The following YPEL2 variants were observed in gnomAD, a reference collection of about 807,000 sequenced individuals.
YPEL2 encodes the protein yippee like 2.
YPEL2 carries 2 observed loss-of-function variants against 19.1 expected under a neutral mutation model. That is an observed-to-expected ratio of 0.10 (90% CI 0.04 to 0.33). The LOEUF (loss-of-function observed/expected upper bound fraction) is 0.33, where lower values mean the gene tolerates loss of function less well. YPEL2 is among the 10% of genes least tolerant of loss of function. The pLI is 1.00. For synonymous variants in YPEL2, 52 were observed against 50.0 expected (o/e 1.04, Z -0.17); for missense variants, 66 against 140.7 (o/e 0.47, Z 2.68).
intron 2 of YPEL2, among the ~76,000 whole-genome samples, chr17:59,374,634 AG>A (rs1419660070): frequency 1.3e-5 from 2 of 152,238 alleles, no homozygotes; most frequent in East Asian, 3.8e-4. Flanking sequence ...AGGAAAGTGT[AG>A]GAAGTGTCTA....
intron 1 of YPEL2, among the ~76,000 whole-genome samples, chr17:59,348,524 T>C (rs2047768670): frequency 6.6e-6 from 1 of 152,226 alleles, no homozygotes; most frequent in Non-Finnish European, 1.5e-5. Flanking sequence ...TGGCATGTGC[T>C]CCCTGTGCAT....
chr17:59,367,086 CAGG>C (rs768932314), intron 2 of YPEL2, among the ~76,000 whole-genome samples: 4 of 152,200 alleles, frequency 2.6e-5, no homozygotes, highest in African/African-American at 9.7e-5. Context: ...TTGAAACTGA[CAGG>C]AGGAGTATGG....
chr17:59,361,073 C>T (rs1163647905), intron 2 of YPEL2, among the ~76,000 whole-genome samples: 1 of 152,194 alleles, frequency 6.6e-6, no homozygotes, highest in Non-Finnish European at 1.5e-5. Flanking sequence ...CTCAAGCAAT[C>T]CACCTGCCTC....
At chr17:59,389,895 GTTAT>G (rs2047999157) in intron 4 of YPEL2, among the ~76,000 whole-genome samples, 1 of 152,054 alleles carries the variant, frequency 6.6e-6, no homozygotes. Flanking sequence ...GTAATATTCT[GTTAT>G]TTATTTTTTA....
In YPEL2 at chr17:59,389,427, AT is replaced by A; in HGVS notation, c.232del (p.Tyr78ThrfsTer32). ...LLTGLHAVAD[I>X]YCENCKTTLG... The stretch of plus-strand genomic sequence containing the variant: ...AACAGGACTGCATGCAGTCGCAGAC[AT>A]TTACTGTGAAAACTGCAAAACCACT... On this transcript the variant is annotated frameshift_variant, in exon 4 of 5. Coordinates refer to ENST00000312655, the MANE Select transcript of YPEL2 (RefSeq NM_001005404.4). LOFTEE classifies it high-confidence loss of function. The A allele has an allele frequency of 6.2e-7, 1 of 1,614,078 alleles. No individual in the cohort carries two copies. Among genetic ancestry groups the A allele is most frequent in the Non-Finnish European group, 8.5e-7 (1 of 1,180,028 alleles).
intron 2 of YPEL2, chr17:59,355,359 A>G (rs536665445): frequency 6.6e-6 from 1 of 152,258 alleles, no homozygotes; most frequent in South Asian, 2.1e-4. Flanking sequence ...GCAGAAGTTG[A>G]GTATGTGGAG....
intron 1 of YPEL2, among the ~76,000 whole-genome samples, chr17:59,352,855 G>T (rs906540144): frequency 6.6e-6 from 1 of 152,170 alleles, no homozygotes; most frequent in Non-Finnish European, 1.5e-5. Flanking sequence ...ACTCACCTTG[G>T]TTGGCTCAGG....
chr17:59,395,568 C>T (rs151204606), intron 4 of YPEL2, among the ~76,000 whole-genome samples: 206 of 152,248 alleles, frequency 1.4e-3, no homozygotes, highest in African/African-American at 4.8e-3. Flanking sequence ...AAGTCACCTG[C>T]CAGGTGGTTA....
chr17:59,346,924 G>A (rs2047759123), intron 1 of YPEL2, among the ~76,000 whole-genome samples: 1 of 152,138 alleles, frequency 6.6e-6, no homozygotes, highest in African/African-American at 2.4e-5. Flanking sequence ...GTGTACTGAG[G>A]GGACCTACAA....
chr17:59,340,307 C>G (rs2047721862), intron 1 of YPEL2, among the ~76,000 whole-genome samples: 1 of 152,046 alleles, frequency 6.6e-6, no homozygotes, highest in Non-Finnish European at 1.5e-5. Context: ...CAGGGTTTCA[C>G]TACGTTGGCC....
At chr17:59,390,273 A>T (rs2147958135) in intron 4 of YPEL2, among the ~76,000 whole-genome samples, 1 of 152,328 alleles carries the variant, frequency 6.6e-6, no homozygotes, top group South Asian at 2.1e-4. Context: ...AAGTGCTGGG[A>T]TTACAGGTGT....
chr17:59,344,394 C>T (rs763698047), intron 1 of YPEL2, among the ~76,000 whole-genome samples: 3 of 152,140 alleles, frequency 2.0e-5, no homozygotes, highest in Admixed American at 6.6e-5. Context: ...TCCAGAGAAA[C>T]ACAGTAAAGC....
intron 1 of YPEL2, among the ~76,000 whole-genome samples, chr17:59,346,470 T>G (rs1398423646): frequency 6.6e-6 from 1 of 151,862 alleles, no homozygotes; most frequent in African/African-American, 2.4e-5. Context: ...AGGAGAGAAT[T>G]GGGTTAGATG....
At chr17:59,354,061 T>C (rs533435695) in intron 2 of YPEL2, 12 of 178,670 alleles carry the variant, frequency 6.7e-5, no homozygotes, top group Non-Finnish European at 1.4e-4. Flanking sequence ...CATGAGGTAA[T>C]ATGGCATGAC....
At chr17:59,385,761 C>T (rs937240032) in intron 2 of YPEL2, among the ~76,000 whole-genome samples, 3 of 152,080 alleles carry the variant, frequency 2.0e-5, no homozygotes, top group African/African-American at 7.2e-5. Context: ...TATCAAAACT[C>T]ATCCAATAGT....
chr17:59,392,349 C>T (rs977770643), intron 4 of YPEL2, among the ~76,000 whole-genome samples: 2 of 152,004 alleles, frequency 1.3e-5, no homozygotes, highest in Non-Finnish European at 2.9e-5. Flanking sequence ...AGTGTCTGTC[C>T]TCAAAGTGTT....
At chr17:59,373,533 C>T (rs960132881) in intron 2 of YPEL2, among the ~76,000 whole-genome samples, 7 of 152,126 alleles carry the variant, frequency 4.6e-5, no homozygotes, top group African/African-American at 9.7e-5. Context: ...ATTTTAGTCC[C>T]GTTTTCTAGG....
intron 4 of YPEL2, among the ~76,000 whole-genome samples, chr17:59,394,492 G>A (rs1457437506): frequency 2.0e-5 from 3 of 151,092 alleles, no homozygotes; most frequent in Non-Finnish European, 4.4e-5. Context: ...TTCCAGACTG[G>A]GCAGCCAGGC....
intron 2 of YPEL2, among the ~76,000 whole-genome samples, chr17:59,366,859 G>A (rs956479378): frequency 1.3e-5 from 2 of 152,144 alleles, no homozygotes; most frequent in African/African-American, 4.8e-5. Context: ...GATTCTTCCC[G>A]CAGCGGGAGA....
Sources: allele counts gnomAD v4.1 joint callset (sites outside exome capture counted in the v4.1 genomes callset), GRCh38; gene constraint gnomAD v4.1.1; transcripts MANE v1.5; gene names NCBI Gene and HGNC (gene_info 2026-07-23, HGNC 2026-07-21).